ACSL5: variants seen among roughly 807,000 people sequenced by gnomAD.
ACSL5 encodes acyl-CoA synthetase long chain family member 5, also known as long-chain-fatty-acid--CoA ligase 5.
In ACSL5, 50 loss-of-function variants were observed where a neutral mutation model predicts 84.9. The observed-to-expected ratio is 0.59, with a 90% CI of 0.47 to 0.75. The LOEUF is 0.75. ACSL5 is among the 30% of genes least tolerant of loss of function. The probability of loss-of-function intolerance (pLI) is 0.00; values close to 1 mark genes in which losing one functional copy is unlikely to be tolerated. For synonymous variants in ACSL5, 280 were observed against 300.7 expected (o/e 0.93, Z 0.71); for missense variants, 775 against 830.4 (o/e 0.93, Z 0.82).
chr10:112,417,245 G>A (rs1192328232), intron 13 of ACSL5, among the ~76,000 whole-genome samples: 2 of 144,026 alleles, frequency 1.4e-5, no homozygotes, highest in Admixed American at 1.4e-4. Context: ...GCTCACACCT[G>A]TAATCCCAGC....
rs757292966 is a variant in ACSL5, at chr10:112,404,515, T to C, written c.270T>C (p.Asn90=). 4.3e-6 allele frequency: 7 copies of C among 1,612,516 alleles called. No homozygotes were observed. In the South Asian group the frequency reaches 4.4e-5, roughly 10 times the overall value. Residue 90 remains asparagine, a synonymous_variant, in exon 4 of 21, where the codon AAT becomes AAC. Transcript: ENST00000354655. ...CTTTTAATATTATGTTTTTAGACAA[T>C]GGGCCCTGCTTGGGATATAGAAAAC... ...VFQRGLAVSD[N]GPCLGYRKPN...
At chr10:112,419,060 G>C (rs913453651) in intron 14 of ACSL5, among the ~76,000 whole-genome samples, 1 of 151,704 alleles carries the variant, frequency 6.6e-6, no homozygotes, top group Non-Finnish European at 1.5e-5. Flanking sequence ...ATAAATCCAC[G>C]CAAGAAGGGA....
intron 1 of ACSL5, 127 bp from the exon 2 acceptor site, chr10:112,394,791 G>A (rs1843709068): frequency 2.0e-6 from 3 of 1,496,986 alleles, no homozygotes; most frequent in East Asian, 4.6e-5. Context: ...TGTGTTTGAG[G>A]GTTTGAAGGC....
chr10:112,410,179 A>G, intron 7 of ACSL5: 1 of 1,428,110 alleles, frequency 7.0e-7, no homozygotes, highest in South Asian at 1.3e-5. Flanking sequence ...TTCTTTCAAA[A>G]AAGATTTAGT....
At chr10:112,422,087 C>G in intron 16 of ACSL5, 52 bp downstream of exon 16, 1 of 1,574,960 alleles carries the variant, frequency 6.3e-7, no homozygotes, top group Non-Finnish European at 8.7e-7. Context: ...AGGTTTATAT[C>G]AGAAAGAGCA....
At chr10:112,400,374 C>G (rs913983874) in intron 3 of ACSL5, among the ~76,000 whole-genome samples, 7 of 141,974 alleles carry the variant, frequency 4.9e-5, no homozygotes, top group Non-Finnish European at 7.7e-5. Flanking sequence ...TGCTGCCACA[C>G]CTGGCTAATT....
Position 112,426,293 on chromosome 10 carries a change from TG to T in ACSL5, c.1774del (p.Val592TyrfsTer11). Reference sequence around the variant, plus strand: ...TAGGAGTGGTGGTTCCTGACACAGATGTACTTCCCTCATTTGCAGCCAAGCT... The same window carrying T: ...TAGGAGTGGTGGTTCCTGACACAGATTACTTCCCTCATTTGCAGCCAAGCT... ...LVGVVVPDTD[V>X]LPSFAAKLGV... On this transcript the variant is annotated frameshift_variant, in exon 19 of 21. Coordinates refer to ENST00000354655, the MANE Select transcript of ACSL5 (RefSeq NM_203379.2). LOFTEE classifies it high-confidence loss of function. The T allele has an allele frequency of 6.2e-7, 1 of 1,614,184 alleles. No homozygotes were observed. The highest frequency in any genetic ancestry group is 1.3e-5 in the African/African-American group (1 of 75,052).
chr10:112,417,726 G>T, intron 13 of ACSL5, 120 bp from the exon 14 acceptor site: 1 of 780,538 alleles, frequency 1.3e-6, no homozygotes. Flanking sequence ...ATTAACGTGA[G>T]AATTGATGTC....
intron 13 of ACSL5, 124 bp from the exon 14 acceptor site, chr10:112,417,722 G>T: frequency 1.3e-6 from 1 of 758,440 alleles, no homozygotes; most frequent in Non-Finnish European, 2.3e-6. Flanking sequence ...GTAAATTAAC[G>T]TGAGAATTGA....
At chr10:112,401,824 C>CTT (rs1179785846) in intron 3 of ACSL5, among the ~76,000 whole-genome samples, 2 of 110,972 alleles carry the variant, frequency 1.8e-5, no homozygotes, top group African/African-American at 3.1e-5. Flanking sequence ...TTCTTTCTTT[C>CTT]TTTCTTTCTT....
rs73363057 is a variant in ACSL5 at position 112,409,989 on chromosome 10, G to C, written c.711+304G>C. ...CCAGGCTGCTTGGGTTCGCATGCCA[G>C]CTCCACATCTGTTAGGCAACCTTGG... On this transcript the variant is annotated intron_variant, in intron 7 of 20. Transcript: ENST00000354655. 3.7e-3 allele frequency: 760 copies of C among 204,174 alleles called. 4 individuals are homozygous for C. Among genetic ancestry groups the C allele is most frequent in the African/African-American group, 0.017 (705 of 42,494 alleles). 12.6% of individuals were successfully genotyped at this position (204,174 alleles called of 1,614,324 possible). A position where few individuals can be genotyped will look rare whatever the true frequency, so the allele number is the denominator to read the frequency against.
chr10:112,399,708 C>T (rs955376684), intron 3 of ACSL5, among the ~76,000 whole-genome samples: 18 of 152,290 alleles, frequency 1.2e-4, no homozygotes, highest in African/African-American at 3.1e-4. Context: ...AACTTTTATC[C>T]GTCCCTTGAC....
At position 112,394,291 on chromosome 10, in the gene ACSL5, G is replaced by C. The variant is rs568215795; in HGVS notation, c.-29-627G>C. Among the ~76,000 whole-genome samples the C allele has an allele frequency of 2.0e-4, 30 of 152,266 alleles. 1 individual carries two copies. The South Asian group carries it at 6.2e-3, about 32-fold the overall frequency. On this transcript the variant is annotated intron_variant, in intron 1 of 20. Coordinates refer to ENST00000354655, the MANE Select transcript of ACSL5 (RefSeq NM_203379.2). ...CCTCACAGTAAAATGATTCCTCTGG[G>C]CTCCCTAGGTGAAAGGATGTTGGGC...
chr10:112,378,227 G>GTTTT lies in ACSL5; in HGVS notation c.-30+3986_-30+3989dup, dbSNP rs144322644. On this transcript the variant is annotated intron_variant, in intron 1 of 20. Coordinates refer to ENST00000354655, the MANE Select transcript of ACSL5 (RefSeq NM_203379.2). ...TAATCAAGACAATCTTCTTCTTCTTGTTTTTTTTTTTTTTTTTTTTTTTTT... is the reference window on the plus strand; with the variant it reads ...TAATCAAGACAATCTTCTTCTTCTTGTTTTTTTTTTTTTTTTTTTTTTTTTTTTT... 4.6e-4 allele frequency among the ~76,000 whole-genome samples: 26 copies of GTTTT among 56,808 alleles called. 1 individual carries two copies. The highest frequency in any genetic ancestry group is 7.6e-4 in the African/African-American group (10 of 13,130). 37.3% of individuals were successfully genotyped at this position (56,808 alleles called of 152,430 possible). A position where few individuals can be genotyped will look rare whatever the true frequency, so the allele number is the denominator to read the frequency against.
chr10:112,388,369 CCT>C (rs1286377740), intron 1 of ACSL5, among the ~76,000 whole-genome samples: 1 of 152,158 alleles, frequency 6.6e-6, no homozygotes, highest in African/African-American at 2.4e-5. Context: ...GAAATACACC[CCT>C]GTCACCAGCC....
In ACSL5 at chr10:112,395,075, C is replaced by T. The variant is rs2133592823; in HGVS notation, c.129C>T (p.Asp43=). The T allele has an allele frequency of 1.2e-6, 2 of 1,614,028 alleles. No homozygotes were observed. The highest frequency in any genetic ancestry group is 1.7e-6 in the Non-Finnish European group (2 of 1,180,002). The change falls in exon 2 of 21, where the codon GAC becomes GAT. Residue 43 remains aspartate (D), a synonymous_variant. Coordinates refer to ENST00000354655, the MANE Select transcript of ACSL5 (RefSeq NM_203379.2). The part of the protein sequence containing the change: ...TRPQPVLPLL[D]LNNQSVGIEG... ...CTCAACCCGTCTTACCTCTTCTTGACCTGAACAATCAGTCTGTGGGAATTG... is the reference window on the plus strand; with the variant it reads ...CTCAACCCGTCTTACCTCTTCTTGATCTGAACAATCAGTCTGTGGGAATTG...
chr10:112,376,089 C>T (rs914748783), intron 1 of ACSL5: 3 of 537,770 alleles, frequency 5.6e-6, no homozygotes, highest in South Asian at 3.2e-5. Flanking sequence ...GCTTTTGTGT[C>T]GGCCCTTAGG....
chr10:112,398,593 C>T (rs371803421), intron 2 of ACSL5, among the ~76,000 whole-genome samples: 3 of 151,886 alleles, frequency 2.0e-5, no homozygotes, highest in Non-Finnish European at 2.9e-5. Context: ...TTAGTAGAGA[C>T]GGGGTTTCAT....
chr10:112,424,440 T>C (rs1432677142), intron 17 of ACSL5: 2 of 152,240 alleles, frequency 1.3e-5, no homozygotes, highest in Non-Finnish European at 2.9e-5. Context: ...TAACGATGCA[T>C]TTTATTGATT....
Sources: allele counts gnomAD v4.1 joint callset (sites outside exome capture counted in the v4.1 genomes callset), GRCh38; gene constraint gnomAD v4.1.1; transcripts MANE v1.5; gene names NCBI Gene and HGNC (gene_info 2026-07-23, HGNC 2026-07-21).